The following ERI2 variants were observed in gnomAD, a reference collection of about 807,000 sequenced individuals.
The protein encoded by ERI2 is ERI1 exoribonuclease 2.
A neutral mutation model predicts 46.8 loss-of-function variants in ERI2; 35 were observed. That is an observed-to-expected ratio of 0.75 (90% CI 0.57 to 0.99). The LOEUF (loss-of-function observed/expected upper bound fraction) is 0.99, where lower values mean the gene tolerates loss of function less well. Ranked by LOEUF, ERI2 falls within the 50% of genes least tolerant of loss-of-function variation. ERI2 has a pLI of 0.00. For synonymous variants in ERI2, 224 were observed against 271.0 expected (o/e 0.83, Z 1.70); for missense variants, 695 against 796.2 (o/e 0.87, Z 1.53).
chr16:20,787,356 T>C (rs2080497334), intron 10 of ERI2, among the ~76,000 whole-genome samples: 1 of 152,194 alleles, frequency 6.6e-6, no homozygotes, highest in Non-Finnish European at 1.5e-5. Flanking sequence ...TCGAACCATT[T>C]TAATTCAGAG....
intron 10 of ERI2, chr16:20,780,799 C>G: frequency 3.1e-6 from 5 of 1,614,190 alleles, no homozygotes; most frequent in Non-Finnish European, 3.4e-6. Flanking sequence ...AAGTGGATAT[C>G]CGAAAATGAC....
chr16:20,784,984 C>A (rs1253271222), intron 10 of ERI2: 2 of 1,610,818 alleles, frequency 1.2e-6, no homozygotes, highest in Non-Finnish European at 1.7e-6. Flanking sequence ...TTCTGAGAAG[C>A]TATAAGTTTA....
At chr16:20,781,632 G>A in intron 10 of ERI2, 1 of 1,057,238 alleles carries the variant, frequency 9.5e-7, no homozygotes, top group South Asian at 1.3e-5. Flanking sequence ...TTTAAATTGT[G>A]CTGCGTCAAC....
intron 10 of ERI2, among the ~76,000 whole-genome samples, chr16:20,783,793 A>G (rs1270429288): frequency 2.1e-5 from 3 of 145,540 alleles, no homozygotes; most frequent in African/African-American, 5.1e-5. Flanking sequence ...ACTGATACAC[A>G]TGTGTTCTCC....
rs865946481 is a variant in ERI2 at position 20,800,387 on chromosome 16, AC to A, written c.475del (p.Val159PhefsTer13). The A allele has an allele frequency of 2.5e-6, 4 of 1,607,222 alleles. No homozygotes were observed. The highest frequency in any genetic ancestry group is 1.3e-5 in the African/African-American group (1 of 74,742). ...FVTWSDWDLGVCLEYECKRKQ... is the reference protein window; with the variant it reads ...FVTWSDWDLGXCLEYECKRKQ... ...TCTTTTACACTCATACTCCAGGCAA[AC>A]CCCCAAGTCCCAGTCTGCATTAGGT... is the stretch of plus-strand genomic sequence containing the variant. On this transcript the variant is annotated frameshift_variant, in exon 6 of 9. Coordinates refer to ENST00000357967, the MANE Select transcript of ERI2 (RefSeq NM_001142725.2). LOFTEE classifies it high-confidence loss of function.
At chr16:20,805,528 G>A (rs1267643321) in intron 1 of ERI2, among the ~76,000 whole-genome samples, 3 of 152,084 alleles carry the variant, frequency 2.0e-5, no homozygotes, top group Non-Finnish European at 4.4e-5. Context: ...TTCTCTTAGA[G>A]CAAAATTTAT....
At position 20,799,361 on chromosome 16, in the gene ERI2, C is replaced by T; in HGVS notation, c.644-10G>A. 1 of 1,612,456 alleles carries T rather than the reference C, an allele frequency of 6.2e-7. No homozygotes were observed. The highest frequency in any genetic ancestry group is 2.2e-5 in the East Asian group (1 of 44,850). On this transcript the variant is annotated splice_polypyrimidine_tract_variant and intron_variant, in intron 7 of 8. Coordinates refer to ENST00000357967, the MANE Select transcript of ERI2 (RefSeq NM_001142725.2). Reference sequence around the variant, plus strand: ...CGAGAATCGTCCAACCCTGAGGATACAGATATCAAACACTGAATTTAGTGG... The same window carrying T: ...CGAGAATCGTCCAACCCTGAGGATATAGATATCAAACACTGAATTTAGTGG...
rs1454852506 is a variant in ERI2, at chr16:20,798,876, C to T, written c.924G>A (p.Gln308=). The change falls in exon 9 of 9, where the codon CAG becomes CAA. Residue 308 remains glutamine, a synonymous_variant. Transcript: ENST00000357967. ...ICANSPIKAQ[Q]DQLQVKNNIK... ...TATTGTTTTTTACTTGTAATTGATC[C>T]TGTTGTGCCTTTATAGGAGAATTTG... The T allele has an allele frequency of 6.5e-7, 1 of 1,550,372 alleles. No homozygotes were observed. Among genetic ancestry groups the T allele is most frequent in the South Asian group, 1.2e-5 (1 of 83,616 alleles).
At chr16:20,804,634 C>T (rs1443096662) in intron 1 of ERI2, among the ~76,000 whole-genome samples, 1 of 152,000 alleles carries the variant, frequency 6.6e-6, no homozygotes, top group African/African-American at 2.4e-5. Flanking sequence ...CCACTGCACT[C>T]CAGCATGGGC....
At chr16:20,781,838 A>C in intron 10 of ERI2, 1 of 1,397,546 alleles carries the variant, frequency 7.2e-7, no homozygotes, top group Non-Finnish European at 1.0e-6. Context: ...GAGAAGAGGA[A>C]GCTATAAAAT....
chr16:20,789,905 C>T (rs1226959323), intron 9 of ERI2, among the ~76,000 whole-genome samples: 1 of 151,666 alleles, frequency 6.6e-6, no homozygotes, highest in Non-Finnish European at 1.5e-5. Flanking sequence ...AACTCCTGAC[C>T]TCAGGCGATC....
At chr16:20,791,063 G>T in intron 8 of ERI2, 1 of 855,174 alleles carries the variant, frequency 1.2e-6, no homozygotes, top group Non-Finnish European at 1.8e-6. Context: ...ATGCGGGGGT[G>T]GTGGGATTAA....
rs560035176 is a variant in ERI2, at chr16:20,782,497, A to G, written c.895-1763T>C. ...GCAACCACTATTTTACTATATTCAC[A>G]ACACTCAATACTCTGGGTCTCCAGA... On this transcript the variant is annotated intron_variant, in intron 10 of 10. Coordinates refer to the ERI2 transcript ENST00000300005. Among the ~76,000 whole-genome samples the G allele has an allele frequency of 7.9e-5, 12 of 152,292 alleles. No individual in the cohort carries two copies. The South Asian group carries it at 2.5e-3, about 32-fold the overall frequency.
intron 9 of ERI2, among the ~76,000 whole-genome samples, chr16:20,789,972 C>G (rs1004213875): frequency 7.9e-5 from 12 of 151,956 alleles, no homozygotes; most frequent in African/African-American, 2.9e-4. Context: ...CTGCGCCCAG[C>G]CAGCAATCCT....
At position 20,796,498 on chromosome 16, in the gene ERI2, C is replaced by T. The variant is rs762042962; in HGVS notation, c.*1226G>A. ...ACAAATATCCCAGAAAGGTAGGCAT[C>T]CTAATTATAACGAATATTTGCTCAG... On this transcript the variant is annotated 3_prime_UTR_variant, in exon 9 of 9. Transcript: ENST00000357967. 67 of 1,609,922 alleles carry T rather than the reference C, an allele frequency of 4.2e-5. No individual in the cohort carries two copies. The highest frequency in any genetic ancestry group is 5.5e-5 in the Non-Finnish European group (65 of 1,179,186).
At chr16:20,785,688 A>C (rs968010263) in intron 10 of ERI2, among the ~76,000 whole-genome samples, 1 of 152,208 alleles carries the variant, frequency 6.6e-6, no homozygotes, top group African/African-American at 2.4e-5. Context: ...AAAGTTGAAA[A>C]AACTTTTCAC....
At chr16:20,799,633 G>C (rs896236762) in intron 7 of ERI2, 1 of 477,732 alleles carries the variant, frequency 2.1e-6, no homozygotes. Context: ...CAGGAACCAG[G>C]ATTTGTGAAT....
Position 20,790,597 on chromosome 16 carries a change from T to G in ERI2, c.815+253A>C. ...TCTATTTTATCCTAGATTGTAGATG[T>G]AAATGGCAATGTTCTACCTCCTGGA... On this transcript the variant is annotated intron_variant, in intron 9 of 10. Coordinates refer to the ERI2 transcript ENST00000300005. The surrounding 1 kb of genome is among the most constrained non-coding windows in gnomAD (Gnocchi z 4.0). 5 of 1,613,930 alleles carry G rather than the reference T, an allele frequency of 3.1e-6. No individual in the cohort carries two copies. The highest frequency in any genetic ancestry group is 3.4e-6 in the Non-Finnish European group (4 of 1,179,800).
chr16:20,796,913 A>G lies in ERI2; in HGVS notation c.*811T>C. On this transcript the variant is annotated 3_prime_UTR_variant, in exon 9 of 9. Transcript: ENST00000357967. ...AGAATTTATTCAAGAGCTGCCAAAG[A>G]CTATCAGTGGGAAGACAAAAAGAAA... is the stretch of plus-strand genomic sequence containing the variant. 6.2e-7 allele frequency: 1 copy of G among 1,612,954 alleles called. No individual in the cohort carries two copies. Among genetic ancestry groups the G allele is most frequent in the Admixed American group, 1.7e-5 (1 of 59,864 alleles).
Sources: gnomAD v4.1 joint callset for allele counts (sites outside exome capture counted in the v4.1 genomes callset) on GRCh38, gnomAD v4.1.1 for gene constraint, Gnocchi (gnomAD v3.1) non-coding constraint, MANE v1.5 for transcripts, NCBI Gene and HGNC (gene_info 2026-07-23, HGNC 2026-07-21) for gene names.